The following GSE1 variants were observed in gnomAD, a reference collection of about 807,000 sequenced individuals.
The protein encoded by GSE1 is genetic suppressor element 1.
GSE1 carries 32 observed loss-of-function variants against 112.6 expected under a neutral mutation model. The ratio of observed to expected loss-of-function variants is 0.28; its 90% CI spans 0.21 to 0.38. GSE1 has a LOEUF of 0.38. GSE1 is among the 10% of genes least tolerant of loss of function. GSE1 has a pLI of 1.00. For missense variants in GSE1, 2,348 were observed against 1,699.2 expected (o/e 1.38, Z -6.71); for synonymous variants, 1,115 against 735.6 (o/e 1.52, Z -8.35).
At chr16:85,572,004 G>T (rs2046002140) in intron 1 of GSE1, among the ~76,000 whole-genome samples, 1 of 151,890 alleles carries the variant, frequency 6.6e-6, no homozygotes, top group Admixed American at 6.6e-5. Context: ...CTAGTGTCTA[G>T]TGATGCATAC....
intron 1 of GSE1, among the ~76,000 whole-genome samples, chr16:85,308,298 A>G (rs2045736529): frequency 6.6e-6 from 1 of 151,964 alleles, no homozygotes; most frequent in Non-Finnish European, 1.5e-5. Context: ...TTCTGTGGAC[A>G]CCGAGTCCAG....
At chr16:85,316,541 G>A (rs570686894) in intron 1 of GSE1, among the ~76,000 whole-genome samples, 1 of 152,188 alleles carries the variant, frequency 6.6e-6, no homozygotes, top group Non-Finnish European at 1.5e-5. Flanking sequence ...TCTCCCACTG[G>A]GGGAGGAGTC....
rs570652559 is a variant in GSE1, at chr16:85,569,163, T to C, written c.37+12800T>C. On this transcript the variant is annotated intron_variant, in intron 1 of 2. Transcript: ENST00000635906. The stretch of plus-strand genomic sequence containing the variant: ...ACAGGGCCAACCCTGCCTAACACTC[T>C]AGCCTGCCCTTCTCTACCTGTCCTC... Among the ~76,000 whole-genome samples the C allele has an allele frequency of 3.3e-5, 5 of 152,332 alleles. No homozygotes were observed. In the South Asian group the frequency reaches 1.0e-3, roughly 32 times the overall value.
At chr16:85,502,339 T>G (rs2051397410) in intron 2 of GSE1, among the ~76,000 whole-genome samples, 1 of 152,174 alleles carries the variant, frequency 6.6e-6, no homozygotes, top group Non-Finnish European at 1.5e-5. Flanking sequence ...TAGCGCAGGT[T>G]CATGGCCCTG....
chr16:85,631,645 C>T (rs367925794), intron 1 of GSE1, among the ~76,000 whole-genome samples: 6 of 152,358 alleles, frequency 3.9e-5, no homozygotes, highest in East Asian at 3.9e-4. Context: ...CATGCTGTCT[C>T]GTAATGGCCC....
intron 2 of GSE1, among the ~76,000 whole-genome samples, chr16:85,515,789 T>C (rs894205578): frequency 6.6e-6 from 1 of 152,000 alleles, no homozygotes; most frequent in African/African-American, 2.4e-5. Context: ...CCCCAGCACA[T>C]GTGGACAGAG....
At chr16:85,568,174 TG>T (rs2045838449) in intron 1 of GSE1, among the ~76,000 whole-genome samples, 1 of 151,916 alleles carries the variant, frequency 6.6e-6, no homozygotes, top group African/African-American at 2.4e-5. Context: ...TTCCAGAGAG[TG>T]GTAGCCTTGC....
rs1262319226 is a variant in GSE1, at chr16:85,648,573, C to T, written c.248C>T (p.Ser83Leu). The part of the protein sequence containing the change: ...EPRGSSLSSE[S>L]SPVSSPATNH... ...ACAGGGTCCTCACTGAGCAGCGAGT[C>T]GTCCCCCGTGTCCTCTCCGGCCACC... Residue 83 changes from serine to leucine, a missense_variant, in exon 3 of 16, where the codon TCG (serine) becomes TTG (leucine). Transcript: ENST00000253458. 9 of 1,576,962 alleles carry T rather than the reference C, an allele frequency of 5.7e-6. No homozygotes were observed. The highest frequency in any genetic ancestry group is 2.3e-5 in the East Asian group (1 of 42,792).
intron 1 of GSE1, among the ~76,000 whole-genome samples, chr16:85,173,926 T>C (rs1472366976): frequency 6.6e-6 from 1 of 152,178 alleles, no homozygotes; most frequent in East Asian, 1.9e-4. Flanking sequence ...TCACTCCTTA[T>C]CATGGCTCTT....
chr16:85,661,824 G>A, intron 9 of GSE1, 59 bp downstream of exon 9: 1 of 1,416,232 alleles, frequency 7.1e-7, no homozygotes, highest in East Asian at 2.5e-5. Flanking sequence ...GGGATGGGGA[G>A]CCTGCATGCC....
rs1036318494 is a variant in GSE1 at position 85,626,425 on chromosome 16, G to T, written c.8-7489G>T. Reference sequence around the variant, plus strand: ...AGCTTCGCCCCTTTGGGGGAGTGGGGATCGCGGGGGCGGGCACCAGTCCCC... The same window carrying T: ...AGCTTCGCCCCTTTGGGGGAGTGGGTATCGCGGGGGCGGGCACCAGTCCCC... On this transcript the variant is annotated intron_variant, in intron 1 of 15. Transcript: ENST00000253458. Among the ~76,000 whole-genome samples, 7 of 152,272 alleles carry T rather than the reference G, an allele frequency of 4.6e-5. 1 individual carries two copies. The highest frequency in any genetic ancestry group is 7.2e-5 in the African/African-American group (3 of 41,482).
chr16:85,378,087 C>T (rs1257123713), intron 2 of GSE1, among the ~76,000 whole-genome samples: 1 of 152,200 alleles, frequency 6.6e-6, no homozygotes, highest in Admixed American at 6.5e-5. Context: ...ACCCCCACCC[C>T]CATCCCCCGC....
intron 1 of GSE1, among the ~76,000 whole-genome samples, chr16:85,217,762 A>AC (rs2075328082): frequency 6.6e-6 from 1 of 151,674 alleles, no homozygotes; most frequent in Non-Finnish European, 1.5e-5. Context: ...TGCCCACGTC[A>AC]TTTTTCCCTG....
chr16:85,668,165 G>A lies in GSE1; in HGVS notation c.3156G>A (p.Glu1052=). 6.2e-7 allele frequency: 1 copy of A among 1,601,262 alleles called. No homozygotes were observed. Among genetic ancestry groups the A allele is most frequent in the Non-Finnish European group, 8.5e-7 (1 of 1,172,236 alleles). Residue 1052 remains glutamate, a synonymous_variant, in exon 14 of 16, where the codon GAG becomes GAA. Transcript: ENST00000253458. The part of the protein sequence containing the change: ...HKGSVAVLSA[E]QNHKVDTSVH... ...GGAGCGTGGCTGTGCTGTCTGCAGA[G>A]CAGAACCACAAGGTTGACACGTCCG...
chr16:85,231,084 GGATGGATGGAT>G (rs1904280148), intron 1 of GSE1, among the ~76,000 whole-genome samples: 1 of 87,954 alleles, frequency 1.1e-5, no homozygotes, highest in Admixed American at 1.5e-4. Context: ...AGGGATGGAT[GGATGGATGGAT>G]GGACAGATGA....
At chr16:85,225,728 C>T (rs1452901147) in intron 1 of GSE1, among the ~76,000 whole-genome samples, 1 of 152,220 alleles carries the variant, frequency 6.6e-6, no homozygotes, top group Non-Finnish European at 1.5e-5. Flanking sequence ...GTCTTCAGAG[C>T]CTCTCAAACA....
intron 2 of GSE1, among the ~76,000 whole-genome samples, chr16:85,439,555 CA>C (rs1405687702): frequency 5.9e-5 from 9 of 152,098 alleles, no homozygotes; most frequent in Non-Finnish European, 1.2e-4. Context: ...CACACACACA[CA>C]CACCCCAGGC....
At chr16:85,601,205 G>C (rs8049533) in intron 1 of GSE1, among the ~76,000 whole-genome samples, 15,248 of 151,796 alleles carry the variant, frequency 0.1, 2,503 homozygotes, top group African/African-American at 0.34. Flanking sequence ...TAGTGCAGTC[G>C]TGAGGGCCAG....
intron 1 of GSE1, among the ~76,000 whole-genome samples, chr16:85,565,111 G>A (rs1368586729): frequency 1.3e-5 from 2 of 152,154 alleles, no homozygotes; most frequent in African/African-American, 4.8e-5. Context: ...GACCAACTTG[G>A]CCGGGCACGG....
Sources: gnomAD v4.1 joint callset for allele counts (sites outside exome capture counted in the v4.1 genomes callset) on GRCh38, gnomAD v4.1.1 for gene constraint, MANE v1.5 for transcripts, NCBI Gene and HGNC (gene_info 2026-07-23, HGNC 2026-07-21) for gene names.